Variants in VPS54 observed in about 807,000 individuals in gnomAD.
The protein encoded by VPS54 is vacuolar protein sorting-associated protein 54.
A neutral mutation model predicts 121.5 loss-of-function variants in VPS54; 45 were observed. That is an observed-to-expected ratio of 0.37 (90% CI 0.29 to 0.47). VPS54 has a LOEUF of 0.47. Ranked by LOEUF, VPS54 falls within the 20% of genes least tolerant of loss-of-function variation. The pLI is 0.99. For missense variants in VPS54, 1,090 were observed against 1,131.4 expected (o/e 0.96, Z 0.52); for synonymous variants, 371 against 385.8 (o/e 0.96, Z 0.45).
At chr2:63,970,242 A>AATATATATATATATATATAT (rs1336592832) in intron 4 of VPS54, among the ~76,000 whole-genome samples, 1 of 43,006 alleles carries the variant, frequency 2.3e-5, no homozygotes, top group Non-Finnish European at 5.1e-5. Flanking sequence ...CACACATTCT[A>AATATATATATATATATATAT]ATATATATAT....
intron 9 of VPS54, among the ~76,000 whole-genome samples, chr2:63,947,070 CATTAAAAATGATGTTTCTGA>C (rs1675011749): frequency 6.6e-6 from 1 of 151,788 alleles, no homozygotes. Flanking sequence ...TTTACACAAT[CATTAAAAATGATGTTTCTGA>C]AAGCTTTTAT....
At chr2:63,926,315 T>C (rs940156505) in intron 12 of VPS54, among the ~76,000 whole-genome samples, 2 of 152,250 alleles carry the variant, frequency 1.3e-5, no homozygotes, top group Admixed American at 1.3e-4. Flanking sequence ...TCTCTTTTTA[T>C]AGCAGTTTTA....
At chr2:63,993,279 C>T (rs926017627) in intron 1 of VPS54, among the ~76,000 whole-genome samples, 4 of 152,132 alleles carry the variant, frequency 2.6e-5, no homozygotes, top group African/African-American at 9.7e-5. Flanking sequence ...TTAGGCATTC[C>T]GACCTATGCA....
chr2:63,893,143 T>A lies in VPS54; in HGVS notation c.*287A>T. ...CAACTACAGCTGTGTTACAGCTATG[T>A]GTTCTTTTGGATTTGGTCCAAAGAA... On this transcript the variant is annotated 3_prime_UTR_variant, in exon 23 of 23. Coordinates refer to ENST00000272322, the MANE Select transcript of VPS54 (RefSeq NM_016516.3). The A allele has an allele frequency of 1.9e-5, 9 of 463,688 alleles. No homozygotes were observed. The highest frequency in any genetic ancestry group is 1.9e-4 in the South Asian group (9 of 46,446). The allele number at this position is 463,688 out of a possible 1,614,324, so 28.7% of individuals were successfully genotyped here. A position where few individuals can be genotyped will look rare whatever the true frequency, so the allele number is the denominator to read the frequency against.
intron 8 of VPS54, 96 bp from the exon 9 acceptor site, chr2:63,947,586 C>T: frequency 9.5e-7 from 1 of 1,047,744 alleles, no homozygotes; most frequent in South Asian, 1.8e-5. Context: ...GTTTGATCCT[C>T]AGATCTCTAT....
intron 1 of VPS54, among the ~76,000 whole-genome samples, chr2:64,001,313 G>A (rs1372356207): frequency 6.6e-6 from 1 of 152,176 alleles, no homozygotes; most frequent in African/African-American, 2.4e-5. Flanking sequence ...TGCTGTCCAA[G>A]AGCCAAGGCC....
intron 5 of VPS54, among the ~76,000 whole-genome samples, chr2:63,966,466 C>T (rs1371692219): frequency 6.6e-6 from 1 of 152,144 alleles, no homozygotes; most frequent in Non-Finnish European, 1.5e-5. Flanking sequence ...CCTTACATAT[C>T]ACGACCAGCT....
chr2:63,971,134 A>G (rs183428980), intron 4 of VPS54, among the ~76,000 whole-genome samples: 9 of 152,154 alleles, frequency 5.9e-5, no homozygotes, highest in South Asian at 2.1e-4. Context: ...TCCATTACCA[A>G]TAACTGGCCA....
chr2:63,961,454 T>A (rs1251498301), intron 7 of VPS54, among the ~76,000 whole-genome samples: 1 of 152,194 alleles, frequency 6.6e-6, no homozygotes, highest in Non-Finnish European at 1.5e-5. Context: ...AGATATGAAC[T>A]TCTACAAGGA....
intron 3 of VPS54, among the ~76,000 whole-genome samples, chr2:63,980,254 T>TA (rs1676747005): frequency 6.6e-6 from 1 of 152,222 alleles, no homozygotes; most frequent in Non-Finnish European, 1.5e-5. Flanking sequence ...ACTTTGTTAT[T>TA]AATACAGCCA....
At chr2:63,950,169 GCA>G (rs1271007215) in intron 7 of VPS54, among the ~76,000 whole-genome samples, 1 of 152,152 alleles carries the variant, frequency 6.6e-6, no homozygotes, top group Non-Finnish European at 1.5e-5. Flanking sequence ...CACAGCATCT[GCA>G]CACAGTTTTC....
chr2:63,909,413 CTTTTTTTTTTTTTTT>C (rs5831673), intron 20 of VPS54, among the ~76,000 whole-genome samples: 1 of 69,920 alleles, frequency 1.4e-5, no homozygotes, highest in Non-Finnish European at 2.6e-5. Context: ...TATTAGCTGC[CTTTTTTTTTTTTTTT>C]TTTTTTTTTT....
intron 1 of VPS54, among the ~76,000 whole-genome samples, chr2:64,008,258 CG>C (rs1334898350): frequency 6.6e-6 from 1 of 151,702 alleles, no homozygotes; most frequent in African/African-American, 2.4e-5. Context: ...ACAAAAAATA[CG>C]AAAAATTAGC....
intron 1 of VPS54, among the ~76,000 whole-genome samples, chr2:64,013,776 T>C (rs1471246216): frequency 3.3e-5 from 5 of 150,728 alleles, no homozygotes; most frequent in Admixed American, 3.3e-4. Flanking sequence ...TTATTCTGAA[T>C]ATTGTCTGCA....
At chr2:64,016,864 TTCCCAAAGTG>T (rs1678722459) in intron 1 of VPS54, among the ~76,000 whole-genome samples, 2 of 151,852 alleles carry the variant, frequency 1.3e-5, no homozygotes, top group African/African-American at 2.4e-5. Flanking sequence ...CTGACTAGGC[TTCCCAAAGTG>T]GTGGGATTAC....
intron 3 of VPS54, among the ~76,000 whole-genome samples, chr2:63,974,775 T>C (rs947693680): frequency 6.6e-6 from 1 of 152,210 alleles, no homozygotes; most frequent in African/African-American, 2.4e-5. Flanking sequence ...TTTTATATAT[T>C]AACCTTGTAT....
chr2:64,018,772 G>A (rs975768638), intron 1 of VPS54, among the ~76,000 whole-genome samples, 166 bp downstream of exon 1: 1 of 151,304 alleles, frequency 6.6e-6, no homozygotes, highest in Admixed American at 6.6e-5. Context: ...AAAAGGAAGT[G>A]GCGGAGAGGA....
intron 1 of VPS54, among the ~76,000 whole-genome samples, chr2:64,000,092 C>CCTCATG (rs1677799979): frequency 6.6e-6 from 1 of 152,016 alleles, no homozygotes; most frequent in Non-Finnish European, 1.5e-5. Flanking sequence ...GAACTCCTGA[C>CCTCATG]CTCATGATCC....
chr2:63,949,084 T>C lies in VPS54; in HGVS notation c.1090A>G (p.Ser364Gly). The stretch of plus-strand genomic sequence containing the variant: ...TCTTCCAGTGGTCTATTTAAGTCAC[T>C]GTGAGAATAAGTAGAAAATTCTGCA... ...MIAEFSTYSH[S>G]DLNRPLEDDC... Residue 364 changes from serine to glycine, a missense_variant, in exon 8 of 23, where the codon AGT becomes GGT. By Grantham distance (56) the Ser-to-Gly change is moderately conservative (BLOSUM62 0). Around this residue, in one of 2 missense-constraint regions of VPS54, gnomAD observed 801 missense variants for 757.0 expected, o/e 1.06. Coordinates refer to ENST00000272322, the MANE Select transcript of VPS54 (RefSeq NM_016516.3). 6.2e-7 allele frequency: 1 copy of C among 1,611,900 alleles called. No individual in the cohort carries two copies. Among genetic ancestry groups the C allele is most frequent in the Non-Finnish European group, 8.5e-7 (1 of 1,179,188 alleles).
Sources: gnomAD v4.1 joint callset for allele counts (sites outside exome capture counted in the v4.1 genomes callset) on GRCh38, gnomAD v4.1.1 for gene constraint, gnomAD v4.1.1 regional missense constraint, MANE v1.5 for transcripts, NCBI Gene and HGNC (gene_info 2026-07-23, HGNC 2026-07-21) for gene names.